The following TBCA variants were observed in gnomAD, a reference collection of about 807,000 sequenced individuals.
The protein encoded by TBCA is tubulin-specific chaperone A.
A neutral mutation model predicts 15.8 loss-of-function variants in TBCA; 6 were observed. The observed-to-expected ratio is 0.38, with a 90% confidence interval of 0.21 to 0.75. The LOEUF (loss-of-function observed/expected upper bound fraction) is 0.75, where lower values mean the gene tolerates loss of function less well. Ranked by LOEUF, TBCA falls within the 30% of genes least tolerant of loss-of-function variation. The pLI is 0.46. For missense variants in TBCA, 90 were observed against 131.2 expected, an observed-to-expected ratio of 0.69 and a Z score of 1.53; for synonymous variants, 32 against 42.3, an observed-to-expected ratio of 0.76 and a Z score of 0.94.
chr5:77,734,794 G>T (rs996105598), intron 1 of TBCA, among the ~76,000 whole-genome samples: 1 of 152,168 alleles, frequency 6.6e-6, no homozygotes, highest in Non-Finnish European at 1.5e-5. Context: ...TTCATGAAAG[G>T]AGTCCATCAA....
At chr5:77,760,527 A>G (rs962262318) in intron 1 of TBCA, among the ~76,000 whole-genome samples, 1 of 151,684 alleles carries the variant, frequency 6.6e-6, no homozygotes, top group Non-Finnish European at 1.5e-5. Flanking sequence ...GGCTCCCATG[A>G]TTCTCCTGCC....
intron 1 of TBCA, among the ~76,000 whole-genome samples, chr5:77,738,465 G>C (rs1746960391): frequency 6.6e-6 from 1 of 152,202 alleles, no homozygotes; most frequent in Non-Finnish European, 1.5e-5. Flanking sequence ...TATAGTTCCT[G>C]TTCCAGCGCT....
Position 77,708,239 on chromosome 5 carries a change from T to A in TBCA, c.159+3A>T. ...GCTATTGTTATTTATGATATAATTTTACCTGCTTTTTAATGTCATAATTTT... is the reference window on the plus strand; with the variant it reads ...GCTATTGTTATTTATGATATAATTTAACCTGCTTTTTAATGTCATAATTTT... On this transcript the variant is annotated splice_donor_region_variant and intron_variant, in intron 2 of 3. Coordinates refer to ENST00000380377, the MANE Select transcript of TBCA (RefSeq NM_004607.3). 6.3e-7 allele frequency: 1 copy of A among 1,588,572 alleles called. No individual in the cohort carries two copies. The highest frequency in any genetic ancestry group is 8.6e-7 in the Non-Finnish European group (1 of 1,161,852).
At chr5:77,775,623 T>C (rs574030751) in intron 1 of TBCA, among the ~76,000 whole-genome samples, 23 of 152,224 alleles carry the variant, frequency 1.5e-4, no homozygotes, top group Non-Finnish European at 2.8e-4. Flanking sequence ...TCGGGGAATC[T>C]GACTGGAGAA....
chr5:77,734,754 C>CA (rs2112472771), intron 1 of TBCA, among the ~76,000 whole-genome samples: 1 of 152,162 alleles, frequency 6.6e-6, no homozygotes, highest in East Asian at 1.9e-4. Context: ...AAAAGGTTAT[C>CA]AAACAGCACT....
chr5:77,692,524 A>G (rs1469334784), intron 3 of TBCA: 13 of 955,490 alleles, frequency 1.4e-5, no homozygotes, highest in Non-Finnish European at 1.6e-5. Flanking sequence ...CTGACTCGTG[A>G]TCCACCCACC....
At chr5:77,701,729 T>G (rs1247309427) in intron 2 of TBCA, among the ~76,000 whole-genome samples, 1 of 110,264 alleles carries the variant, frequency 9.1e-6, no homozygotes, top group African/African-American at 3.4e-5. Flanking sequence ...ATATATATGA[T>G]GGAATACTAC....
intron 1 of TBCA, among the ~76,000 whole-genome samples, chr5:77,728,403 T>C (rs1042149509): frequency 6.6e-6 from 1 of 152,180 alleles, no homozygotes; most frequent in African/African-American, 2.4e-5. Context: ...GTTTCTTGTA[T>C]TTTAAGCCAG....
At position 77,776,298 on chromosome 5, in the gene TBCA, G is replaced by C; in HGVS notation, c.-41C>G. On this transcript the variant is annotated 5_prime_UTR_variant, in exon 1 of 4. Transcript: ENST00000380377. ...GCGAGAAGGAGGGGCGGAGAGCCGG[G>C]GTAACCGTGGAGGGCGACGCGCAGA... 2 of 1,559,246 alleles carry C rather than the reference G, an allele frequency of 1.3e-6. No homozygotes were observed. The highest frequency in any genetic ancestry group is 1.7e-6 in the Non-Finnish European group (2 of 1,152,442).
At chr5:77,756,629 G>GAA (rs11347774) in intron 1 of TBCA, among the ~76,000 whole-genome samples, 5 of 136,310 alleles carry the variant, frequency 3.7e-5, no homozygotes, top group Non-Finnish European at 3.2e-5. Context: ...TTCCTAAGAG[G>GAA]AAAAAAAAAA....
At chr5:77,747,078 A>C (rs890748534) in intron 1 of TBCA, among the ~76,000 whole-genome samples, 2 of 152,172 alleles carry the variant, frequency 1.3e-5, no homozygotes, top group African/African-American at 4.8e-5. Context: ...CAGCATTAAA[A>C]GTTTACTTAC....
chr5:77,723,596 A>G (rs888781862), intron 1 of TBCA, among the ~76,000 whole-genome samples: 2 of 152,002 alleles, frequency 1.3e-5, no homozygotes, highest in Admixed American at 6.5e-5. Context: ...CTTCCAAACT[A>G]TAATTCCTGG....
At chr5:77,733,408 T>C (rs1046868157) in intron 1 of TBCA, among the ~76,000 whole-genome samples, 1 of 152,204 alleles carries the variant, frequency 6.6e-6, no homozygotes, top group Non-Finnish European at 1.5e-5. Flanking sequence ...GGAAAACTTC[T>C]TGAAGGAAAT....
At chr5:77,729,207 G>A (rs577941864) in intron 1 of TBCA, among the ~76,000 whole-genome samples, 32 of 151,984 alleles carry the variant, frequency 2.1e-4, no homozygotes, top group African/African-American at 6.3e-4. Flanking sequence ...CTAGCTATTC[G>A]GGAGGCTAAG....
At chr5:77,761,701 T>C (rs1237860772) in intron 1 of TBCA, among the ~76,000 whole-genome samples, 1 of 152,096 alleles carries the variant, frequency 6.6e-6, no homozygotes, top group African/African-American at 2.4e-5. Flanking sequence ...TAATCACTTT[T>C]TTTTTTTTTT....
rs533524444 is a variant in TBCA at position 77,750,720 on chromosome 5, T to G, written c.53+25485A>C. On this transcript the variant is annotated intron_variant, in intron 1 of 3. Coordinates refer to ENST00000380377, the MANE Select transcript of TBCA (RefSeq NM_004607.3). ...CTCTGTCAATTTAGAAATTTTATTT[T>G]GCCAAGATTAAAGACGCACCAGTGA... Among the ~76,000 whole-genome samples, 11 of 149,424 alleles carry G rather than the reference T, an allele frequency of 7.4e-5. No homozygotes were observed. In the East Asian group the frequency reaches 2.2e-3, roughly 30 times the overall value.
intron 1 of TBCA, among the ~76,000 whole-genome samples, chr5:77,774,980 TAA>T (rs60670191): frequency 2.5e-4 from 36 of 143,420 alleles, no homozygotes; most frequent in African/African-American, 4.9e-4. Context: ...CTACAAAGAT[TAA>T]AAAAAAAAAA....
chr5:77,700,863 T>A (rs1745995271), intron 2 of TBCA, among the ~76,000 whole-genome samples: 1 of 152,108 alleles, frequency 6.6e-6, no homozygotes, highest in South Asian at 2.1e-4. Context: ...ACAATTGGCA[T>A]GCCACATGTA....
chr5:77,732,813 T>A (rs2112470350), intron 1 of TBCA, among the ~76,000 whole-genome samples: 1 of 152,288 alleles, frequency 6.6e-6, no homozygotes, highest in African/African-American at 2.4e-5. Flanking sequence ...AATCGATGAA[T>A]GTGTATATTC....
Sources: gnomAD v4.1 joint callset for allele counts (sites outside exome capture counted in the v4.1 genomes callset) on GRCh38, gnomAD v4.1.1 for gene constraint, MANE v1.5 for transcripts, NCBI Gene and HGNC (gene_info 2026-07-23, HGNC 2026-07-21) for gene names.